KLHL32: variants seen among roughly 807,000 people sequenced by gnomAD.
KLHL32 encodes the protein kelch like family member 32, also known as kelch-like protein 32.
In KLHL32, 35 loss-of-function variants were observed where a neutral mutation model predicts 64.8. The ratio of observed to expected loss-of-function variants is 0.54; its 90% CI spans 0.41 to 0.72. KLHL32 has a LOEUF of 0.72. Ranked by LOEUF, KLHL32 falls within the 30% of genes least tolerant of loss-of-function variation. The pLI, the probability that KLHL32 is intolerant of heterozygous loss-of-function variation, is 0.00. For synonymous variants in KLHL32, 259 were observed against 281.0 expected (o/e 0.92, Z 0.78); for missense variants, 589 against 768.5 (o/e 0.77, Z 2.76).
At chr6:96,948,675 T>C (rs1772203922) in intron 1 of KLHL32, among the ~76,000 whole-genome samples, 1 of 152,128 alleles carries the variant, frequency 6.6e-6, no homozygotes, top group Non-Finnish European at 1.5e-5. Context: ...AACAACATTA[T>C]GTGATCATAG....
intron 2 of KLHL32, among the ~76,000 whole-genome samples, chr6:96,969,324 AT>A (rs1234921490): frequency 5.3e-5 from 8 of 152,108 alleles, no homozygotes; most frequent in Non-Finnish European, 1.2e-4. Flanking sequence ...TTTTCAAAAT[AT>A]GGTTGTACTT....
chr6:96,966,167 C>G (rs1774436494), intron 1 of KLHL32, among the ~76,000 whole-genome samples: 1 of 152,178 alleles, frequency 6.6e-6, no homozygotes, highest in Non-Finnish European at 1.5e-5. Context: ...AGAAGGAAGC[C>G]TATTTAGCTT....
Sources: gnomAD v4.1 joint callset for allele counts (sites outside exome capture counted in the v4.1 genomes callset) on GRCh38, gnomAD v4.1.1 for gene constraint, MANE v1.5 for transcripts, NCBI Gene and HGNC (gene_info 2026-07-23, HGNC 2026-07-21) for gene names.